ENAH: variants seen among roughly 807,000 people sequenced by gnomAD.
ENAH encodes ENAH actin regulator, also known as protein enabled homolog.
ENAH carries 23 observed loss-of-function variants against 78.7 expected under a neutral mutation model. The observed-to-expected ratio is 0.29, with a 90% CI of 0.21 to 0.41. ENAH has a LOEUF of 0.41. Among genes scored for constraint, ENAH ranks in the 10% least tolerant of loss-of-function variants. The probability of loss-of-function intolerance (pLI) is 1.00; values close to 1 mark genes in which losing one functional copy is unlikely to be tolerated. For synonymous variants in ENAH, 226 were observed against 241.0 expected (o/e 0.94, Z 0.58); for missense variants, 544 against 691.0 (o/e 0.79, Z 2.39).
At chr1:225,550,336 G>A (rs1048848453) in intron 3 of ENAH, among the ~76,000 whole-genome samples, 1 of 152,116 alleles carries the variant, frequency 6.6e-6, no homozygotes, top group Non-Finnish European at 1.5e-5. Context: ...CCTTGTTTCT[G>A]GCAGCTGTAG....
chr1:225,505,983 T>TG (rs1323275787), intron 11 of ENAH, among the ~76,000 whole-genome samples: 1 of 151,436 alleles, frequency 6.6e-6, no homozygotes, highest in Non-Finnish European at 1.5e-5. Flanking sequence ...TTTCCAAGTC[T>TG]GAAAAAAAAA....
chr1:225,572,471 G>A (rs1158212669), intron 1 of ENAH, among the ~76,000 whole-genome samples: 3 of 152,180 alleles, frequency 2.0e-5, no homozygotes, highest in African/African-American at 7.2e-5. Context: ...ATCATTAAAT[G>A]CAATAACTTG....
chr1:225,633,194 C>A (rs1659430429), intron 1 of ENAH, among the ~76,000 whole-genome samples: 1 of 151,900 alleles, frequency 6.6e-6, no homozygotes, highest in South Asian at 2.1e-4. Context: ...AGGCACCTGC[C>A]ACCACACCTG....
intron 4 of ENAH, among the ~76,000 whole-genome samples, chr1:225,526,413 A>G (rs1171690492): frequency 2.7e-5 from 4 of 149,066 alleles, no homozygotes; most frequent in African/African-American, 7.5e-5. Flanking sequence ...ATCTCAGCTC[A>G]TTGCGACCTT....
At chr1:225,604,455 T>TGC (rs1423160674) in intron 1 of ENAH, among the ~76,000 whole-genome samples, 7 of 152,024 alleles carry the variant, frequency 4.6e-5, no homozygotes, top group Non-Finnish European at 1.0e-4. Flanking sequence ...TACTATTGTG[T>TGC]GCCTTATCCA....
intron 1 of ENAH, among the ~76,000 whole-genome samples, chr1:225,600,429 T>C (rs772359341): frequency 6.6e-5 from 10 of 152,192 alleles, no homozygotes; most frequent in Non-Finnish European, 1.3e-4. Context: ...GGGAAATTTA[T>C]AGTTTTAAAT....
chr1:225,553,516 C>T (rs1453261605), intron 3 of ENAH, among the ~76,000 whole-genome samples: 1 of 151,926 alleles, frequency 6.6e-6, no homozygotes, highest in Non-Finnish European at 1.5e-5. Flanking sequence ...TGTCTACTCT[C>T]CAAACTTTGG....
At chr1:225,503,122 C>G (rs767608761) in intron 11 of ENAH, among the ~76,000 whole-genome samples, 1 of 151,930 alleles carries the variant, frequency 6.6e-6, no homozygotes, top group African/African-American at 2.4e-5. Context: ...AATCCATCAC[C>G]ACCACCACCA....
intron 3 of ENAH, among the ~76,000 whole-genome samples, chr1:225,536,888 A>G (rs1558775029): frequency 6.6e-6 from 1 of 152,134 alleles, no homozygotes; most frequent in Admixed American, 6.5e-5. Context: ...ATTTATTTAC[A>G]GTAATGACAT....
At chr1:225,633,641 A>C (rs889227878) in intron 1 of ENAH, among the ~76,000 whole-genome samples, 19 of 152,316 alleles carry the variant, frequency 1.2e-4, no homozygotes, top group Non-Finnish European at 2.4e-4. Flanking sequence ...ACACTGTAAA[A>C]CAGCAATGAC....
chr1:225,521,635 T>C (rs2096468875), intron 4 of ENAH, among the ~76,000 whole-genome samples: 1 of 140,472 alleles, frequency 7.1e-6, no homozygotes, highest in Non-Finnish European at 1.5e-5. Flanking sequence ...AGTAAGACCC[T>C]GTCTCCAAAA....
intron 3 of ENAH, among the ~76,000 whole-genome samples, chr1:225,554,506 T>C (rs1207663350): frequency 6.6e-6 from 1 of 152,162 alleles, no homozygotes; most frequent in Non-Finnish European, 1.5e-5. Flanking sequence ...CTTTGAAAAA[T>C]GTCTTTCAGA....
At chr1:225,633,340 G>A (rs1659468477) in intron 1 of ENAH, among the ~76,000 whole-genome samples, 2 of 151,328 alleles carry the variant, frequency 1.3e-5, no homozygotes. Flanking sequence ...GTGAGCCACC[G>A]CACCCAGCCA....
At chr1:225,640,988 C>T (rs185559833) in intron 1 of ENAH, among the ~76,000 whole-genome samples, 4 of 150,906 alleles carry the variant, frequency 2.7e-5, no homozygotes, top group Admixed American at 2.6e-4. Context: ...CTCCGCCTCC[C>T]GAGTAGCTGG....
At chr1:225,560,520 C>T (rs1191310943) in intron 2 of ENAH, among the ~76,000 whole-genome samples, 1 of 151,960 alleles carries the variant, frequency 6.6e-6, no homozygotes, top group African/African-American at 2.4e-5. Flanking sequence ...CACATTTTAC[C>T]ATAAGGCTGG....
chr1:225,528,561 T>C (rs1293953518), intron 4 of ENAH, among the ~76,000 whole-genome samples: 2 of 152,178 alleles, frequency 1.3e-5, no homozygotes, highest in African/African-American at 2.4e-5. Flanking sequence ...TGAGGAGTCC[T>C]GTAATCTTCC....
chr1:225,567,030 A>G (rs1414600596), intron 2 of ENAH, among the ~76,000 whole-genome samples: 1 of 152,224 alleles, frequency 6.6e-6, no homozygotes, highest in African/African-American at 2.4e-5. Flanking sequence ...TTCATCATAA[A>G]AGAACTTGTA....
intron 2 of ENAH, among the ~76,000 whole-genome samples, chr1:225,564,216 G>A (rs2096723123): frequency 6.6e-6 from 1 of 152,024 alleles, no homozygotes; most frequent in South Asian, 2.1e-4. Flanking sequence ...CCAGGTTTAA[G>A]TGATTCTTCC....
intron 1 of ENAH, among the ~76,000 whole-genome samples, chr1:225,577,638 G>A (rs539137214): frequency 1.3e-5 from 2 of 152,296 alleles, no homozygotes; most frequent in South Asian, 4.1e-4. Context: ...CATGTGCAAA[G>A]TACAAATGCA....
Sources: gnomAD v4.1 joint callset for allele counts (sites outside exome capture counted in the v4.1 genomes callset) on GRCh38, gnomAD v4.1.1 for gene constraint, MANE v1.5 for transcripts, NCBI Gene and HGNC (gene_info 2026-07-23, HGNC 2026-07-21) for gene names.